The following TFPI variants were observed in gnomAD, a reference collection of about 807,000 sequenced individuals.
TFPI encodes anti-convertin.
TFPI carries 15 observed loss-of-function variants against 34.6 expected under a neutral mutation model. The ratio of observed to expected loss-of-function variants is 0.43; its 90% CI spans 0.29 to 0.67. The LOEUF (loss-of-function observed/expected upper bound fraction) is 0.67. TFPI is among the 30% of genes least tolerant of loss of function. TFPI has a pLI of 0.15. For missense variants in TFPI, 301 were observed against 364.0 expected, an observed-to-expected ratio of 0.83 and a Z score of 1.41; for synonymous variants, 105 against 120.1, an observed-to-expected ratio of 0.87 and a Z score of 0.82.
chr2:187,485,573 T>C (rs1334051132), intron 4 of TFPI, among the ~76,000 whole-genome samples: 1 of 151,762 alleles, frequency 6.6e-6, no homozygotes, highest in East Asian at 1.9e-4. Flanking sequence ...TATTTTTTCC[T>C]TCTTCTTGTC....
intron 1 of TFPI, among the ~76,000 whole-genome samples, chr2:187,509,078 C>T (rs575699574): frequency 1.3e-5 from 2 of 152,064 alleles, no homozygotes; most frequent in Admixed American, 6.6e-5. Flanking sequence ...CATTGGTTCT[C>T]TTTATGTGAT....
intron 6 of TFPI, among the ~76,000 whole-genome samples, chr2:187,473,865 G>A (rs1484309896): frequency 6.6e-6 from 1 of 151,704 alleles, no homozygotes; most frequent in Non-Finnish European, 1.5e-5. Flanking sequence ...TATAGAAGGA[G>A]GGTTGCCAGT....
chr2:187,475,312 T>C (rs1196696249), intron 6 of TFPI, among the ~76,000 whole-genome samples: 1 of 152,150 alleles, frequency 6.6e-6, no homozygotes, highest in African/African-American at 2.4e-5. Flanking sequence ...ATATGTATAA[T>C]TATGTTTGAA....
rs576223192 is a variant in TFPI at position 187,526,408 on chromosome 2, G to GA, written c.-2-22639dup. ...GGCAATTTGGCTTTGGTGGCCAGAA[G>GA]AAAAAACCTCGAAAGGAATAGCAAC... is the stretch of plus-strand genomic sequence containing the variant. On this transcript the variant is annotated intron_variant, in intron 1 of 7. Coordinates refer to ENST00000233156, the MANE Select transcript of TFPI (RefSeq NM_006287.6). 4.5e-4 allele frequency among the ~76,000 whole-genome samples: 68 copies of GA among 151,804 alleles called. 1 individual carries two copies. In the South Asian group the frequency reaches 6.7e-3, roughly 15 times the overall value.
At chr2:187,552,444 CA>C (rs1214089952) in intron 1 of TFPI, among the ~76,000 whole-genome samples, 1 of 151,952 alleles carries the variant, frequency 6.6e-6, no homozygotes, top group Non-Finnish European at 1.5e-5. Context: ...GAGTTTATTA[CA>C]AAATATGTTA....
At chr2:187,484,013 A>C in intron 6 of TFPI, 111 bp downstream of exon 6, 1 of 848,904 alleles carries the variant, frequency 1.2e-6, no homozygotes, top group Non-Finnish European at 1.8e-6. Context: ...ATTATTAAGC[A>C]ACAACGCAGG....
In TFPI at chr2:187,554,180, G is replaced by A. The variant is rs1319835745; in HGVS notation, c.-3+20C>T. The A allele has an allele frequency of 6.6e-6, 1 of 152,014 alleles. No individual in the cohort carries two copies. The highest frequency in any genetic ancestry group is 1.5e-5 in the Non-Finnish European group (1 of 68,004). 9.4% of individuals were successfully genotyped at this position (152,014 alleles called of 1,614,324 possible). A position where few individuals can be genotyped will look rare whatever the true frequency, so the allele number is the denominator to read the frequency against. On this transcript the variant is annotated intron_variant, in intron 1 of 7. Coordinates refer to ENST00000233156, the MANE Select transcript of TFPI (RefSeq NM_006287.6). ...AAAGTTATTTCTTATGGGCTAGACAGTATATTGCCAGGTACTCACAAGTAA... is the reference window on the plus strand; with the variant it reads ...AAAGTTATTTCTTATGGGCTAGACAATATATTGCCAGGTACTCACAAGTAA...
chr2:187,491,474 T>C lies in TFPI; in HGVS notation c.320-3099A>G, dbSNP rs553328400. Among the ~76,000 whole-genome samples the C allele has an allele frequency of 2.4e-3, 359 of 152,226 alleles. 6 individuals are homozygous for C. Among genetic ancestry groups the C allele is most frequent in the Middle Eastern group, 3.4e-3 (1 of 294 alleles). On this transcript the variant is annotated intron_variant, in intron 3 of 7. Coordinates refer to ENST00000233156, the MANE Select transcript of TFPI (RefSeq NM_006287.6). ...AATTTCTGTTTCTGAGTTATTTCACTTAAGATAATAGCCTCCAGTTCCATC... is the reference window on the plus strand; with the variant it reads ...AATTTCTGTTTCTGAGTTATTTCACCTAAGATAATAGCCTCCAGTTCCATC...
At position 187,464,807 on chromosome 2, in the gene TFPI, A is replaced by G. The variant is rs112323681; in HGVS notation, c.*2129T>C. 1.2e-3 allele frequency: 182 copies of G among 152,334 alleles called. No individual in the cohort carries two copies. The highest frequency in any genetic ancestry group is 3.9e-3 in the African/African-American group (164 of 41,584). 9.4% of individuals were successfully genotyped at this position (152,334 alleles called of 1,614,324 possible). ...TATTTTCCTTAAGTGAAAAAAGCTG[A>G]TACTATTTTGTAATGATAAAATTTG... is the stretch of plus-strand genomic sequence containing the variant. On this transcript the variant is annotated 3_prime_UTR_variant, in exon 8 of 8. Coordinates refer to ENST00000233156, the MANE Select transcript of TFPI (RefSeq NM_006287.6).
At chr2:187,479,348 TC>T (rs1190248753) in intron 6 of TFPI, among the ~76,000 whole-genome samples, 1 of 151,722 alleles carries the variant, frequency 6.6e-6, no homozygotes, top group Non-Finnish European at 1.5e-5. Flanking sequence ...ATATGACTGT[TC>T]CTTTTTGTCT....
At chr2:187,540,147 C>T (rs1399491479) in intron 1 of TFPI, among the ~76,000 whole-genome samples, 2 of 152,140 alleles carry the variant, frequency 1.3e-5, no homozygotes, top group Non-Finnish European at 2.9e-5. Context: ...AGGCAATCCA[C>T]CTGCCTTGGC....
At chr2:187,526,457 A>G (rs1185655349) in intron 1 of TFPI, among the ~76,000 whole-genome samples, 1 of 152,136 alleles carries the variant, frequency 6.6e-6, no homozygotes, top group Non-Finnish European at 1.5e-5. Context: ...AATGAAATTT[A>G]TGGGATGAAA....
intron 2 of TFPI, among the ~76,000 whole-genome samples, chr2:187,500,166 A>AT (rs762930323): frequency 2.0e-5 from 3 of 152,198 alleles, no homozygotes; most frequent in Non-Finnish European, 2.9e-5. Context: ...GCAAAAGCTG[A>AT]TAAACTCGCT....
chr2:187,474,878 G>A (rs954834789), intron 6 of TFPI, among the ~76,000 whole-genome samples: 3 of 152,156 alleles, frequency 2.0e-5, no homozygotes, highest in Admixed American at 6.5e-5. Context: ...TGTAGACTAT[G>A]TCCATGGGTT....
chr2:187,552,138 A>G (rs997365891), intron 1 of TFPI, among the ~76,000 whole-genome samples: 6 of 94,046 alleles, frequency 6.4e-5, no homozygotes, highest in Non-Finnish European at 1.3e-4. Context: ...TTTTGTAAGG[A>G]TGTTTACTTT....
chr2:187,541,615 G>A lies in TFPI; in HGVS notation c.-3+12585C>T, dbSNP rs114075083. On this transcript the variant is annotated intron_variant, in intron 1 of 7. Transcript: ENST00000233156. ...TCAGGAGACAAACGATCATTGTTTCGTGGGGTGAATGAGATCTATTTATTT... is the reference window on the plus strand; with the variant it reads ...TCAGGAGACAAACGATCATTGTTTCATGGGGTGAATGAGATCTATTTATTT... Among the ~76,000 whole-genome samples the A allele has an allele frequency of 5.1e-3, 773 of 152,286 alleles. 7 individuals carry two copies. The highest frequency in any genetic ancestry group is 0.017 in the African/African-American group (725 of 41,560).
In TFPI at chr2:187,534,829, C is replaced by T. The variant is rs116251161; in HGVS notation, c.-3+19371G>A. On this transcript the variant is annotated intron_variant, in intron 1 of 7. Coordinates refer to ENST00000233156, the MANE Select transcript of TFPI (RefSeq NM_006287.6). ...TGCTGTATTCAGGAGTCCCATGTCA[C>T]GTGCAAAAACACACATTGACTCAAA... is the stretch of plus-strand genomic sequence containing the variant. Among the ~76,000 whole-genome samples the T allele has an allele frequency of 2.3e-3, 354 of 150,964 alleles. 2 individuals are homozygous for T. Among genetic ancestry groups the T allele is most frequent in the African/African-American group, 7.7e-3 (315 of 41,052 alleles).
At chr2:187,508,830 A>G (rs1686414690) in intron 1 of TFPI, among the ~76,000 whole-genome samples, 2 of 152,232 alleles carry the variant, frequency 1.3e-5, no homozygotes, top group African/African-American at 4.8e-5. Flanking sequence ...TTCCAATACT[A>G]TGTTGAGTAA....
chr2:187,489,968 C>T (rs1454869086), intron 3 of TFPI, among the ~76,000 whole-genome samples: 1 of 151,462 alleles, frequency 6.6e-6, no homozygotes, highest in African/African-American at 2.4e-5. Flanking sequence ...TTTTAAGGAG[C>T]AATGAGAGAA....
Sources: gnomAD v4.1 joint callset for allele counts (sites outside exome capture counted in the v4.1 genomes callset) on GRCh38, gnomAD v4.1.1 for gene constraint, MANE v1.5 for transcripts, NCBI Gene and HGNC (gene_info 2026-07-23, HGNC 2026-07-21) for gene names.